Variants in SBF2 observed in about 807,000 individuals in gnomAD.
SBF2 encodes the protein SET binding factor 2.
In SBF2, 112 loss-of-function variants were observed where a neutral mutation model predicts 225.2. That is an observed-to-expected ratio of 0.50 (90% CI 0.43 to 0.58). The LOEUF is 0.58. Among genes scored for constraint, SBF2 ranks in the 20% least tolerant of loss-of-function variants. SBF2 has a pLI of 0.00. For synonymous variants in SBF2, 763 were observed against 773.3 expected, an observed-to-expected ratio of 0.99 and a Z score of 0.22; for missense variants, 1,996 against 2,206.2, an observed-to-expected ratio of 0.90 and a Z score of 1.91.
At chr11:10,258,630 C>T (rs1961119884) in intron 1 of SBF2, among the ~76,000 whole-genome samples, 1 of 152,158 alleles carries the variant, frequency 6.6e-6, no homozygotes, top group Admixed American at 6.5e-5. Context: ...TACTGCTCAT[C>T]CATACACCAC....
At chr11:10,103,278 C>T (rs1024343430) in intron 2 of SBF2, among the ~76,000 whole-genome samples, 5 of 151,982 alleles carry the variant, frequency 3.3e-5, no homozygotes, top group East Asian at 1.9e-4. Context: ...TTTTTCTGAC[C>T]TAATTAATCT....
intron 1 of SBF2, among the ~76,000 whole-genome samples, chr11:10,285,360 A>G (rs1022379081): frequency 1.3e-5 from 2 of 151,900 alleles, no homozygotes; most frequent in African/African-American, 4.8e-5. Flanking sequence ...AGAGGGGAGG[A>G]AAAAGGGAGG....
In SBF2 at chr11:9,849,163, T is replaced by G. The variant is rs543191814; in HGVS notation, c.2806+860A>C. Reference sequence around the variant, plus strand: ...AGATTCTAATACAATTGTTTGAGGGTTGGGCCCAGAAACTGGTATTTTTTT... The same window carrying G: ...AGATTCTAATACAATTGTTTGAGGGGTGGGCCCAGAAACTGGTATTTTTTT... On this transcript the variant is annotated intron_variant, in intron 22 of 39. Coordinates refer to ENST00000256190, the MANE Select transcript of SBF2 (RefSeq NM_030962.4). Among the ~76,000 whole-genome samples, 5 of 152,226 alleles carry G rather than the reference T, an allele frequency of 3.3e-5. No individual in the cohort carries two copies. The East Asian group carries it at 9.6e-4, about 29-fold the overall frequency.
At chr11:9,789,461 AT>A in intron 34 of SBF2, 119 bp from the exon 35 acceptor site, 2 of 682,052 alleles carry the variant, frequency 2.9e-6, no homozygotes, top group Non-Finnish European at 5.2e-6. Flanking sequence ...TGGAGTTCAA[AT>A]ACCATATTTC....
At chr11:10,101,819 G>T (rs755321763) in intron 2 of SBF2, among the ~76,000 whole-genome samples, 6 of 152,184 alleles carry the variant, frequency 3.9e-5, no homozygotes, top group Non-Finnish European at 5.9e-5. Flanking sequence ...TTTCAGTGTC[G>T]TTCTGTAATG....
intron 28 of SBF2, among the ~76,000 whole-genome samples, chr11:9,829,101 C>G (rs1031845365): frequency 6.6e-6 from 1 of 151,946 alleles, no homozygotes; most frequent in South Asian, 2.1e-4. Flanking sequence ...ACAGTGAGAC[C>G]CCATCTCTTA....
At chr11:9,887,149 C>T (rs181605549) in intron 17 of SBF2, among the ~76,000 whole-genome samples, 55 of 151,486 alleles carry the variant, frequency 3.6e-4, no homozygotes, top group African/African-American at 1.3e-3. Context: ...AATTGTCCAT[C>T]ACATGAAAAA....
At chr11:9,904,085 C>T (rs1861942022) in intron 16 of SBF2, among the ~76,000 whole-genome samples, 1 of 152,040 alleles carries the variant, frequency 6.6e-6, no homozygotes, top group Non-Finnish European at 1.5e-5. Context: ...CCCGCTCATG[C>T]CTGTCTAACT....
chr11:9,875,851 A>G (rs1047643307), intron 17 of SBF2, among the ~76,000 whole-genome samples: 1 of 152,238 alleles, frequency 6.6e-6, no homozygotes, highest in African/African-American at 2.4e-5. Flanking sequence ...GGTGTGAGAC[A>G]CAAATGTGAA....
intron 1 of SBF2, among the ~76,000 whole-genome samples, chr11:10,226,559 T>C (rs955318062): frequency 6.8e-6 from 1 of 147,368 alleles, no homozygotes; most frequent in Non-Finnish European, 1.5e-5. Flanking sequence ...AATTCCCACC[T>C]ATGAGTGAGA....
At chr11:9,856,930 G>A (rs770649397) in intron 18 of SBF2, among the ~76,000 whole-genome samples, 148 of 151,900 alleles carry the variant, frequency 9.7e-4, no homozygotes, top group Non-Finnish European at 1.9e-3. Flanking sequence ...TGGGACTACA[G>A]TCACCTGCCA....
intron 6 of SBF2, among the ~76,000 whole-genome samples, chr11:10,028,122 C>G (rs997738054): frequency 7.2e-5 from 11 of 151,986 alleles, no homozygotes; most frequent in Non-Finnish European, 1.5e-4. Context: ...CTATGTTGTC[C>G]AGGTTGATCT....
At chr11:10,009,198 T>C (rs1217674260) in intron 6 of SBF2, among the ~76,000 whole-genome samples, 2 of 152,216 alleles carry the variant, frequency 1.3e-5, no homozygotes, top group East Asian at 3.8e-4. Context: ...TATGTTCCTA[T>C]TGTCATATAT....
At position 10,271,796 on chromosome 11, in the gene SBF2, T is replaced by G; in HGVS notation, c.55+22219A>C. Among the ~76,000 whole-genome samples the G allele has an allele frequency of 1.8e-5, 2 of 111,434 alleles. 1 individual carries two copies. The highest frequency in any genetic ancestry group is 4.3e-5 in the Non-Finnish European group (2 of 46,692). 73.1% of individuals were successfully genotyped at this position (111,434 alleles called of 152,430 possible). On this transcript the variant is annotated intron_variant, in intron 1 of 39. Transcript: ENST00000256190. Reference sequence around the variant, plus strand: ...CATTTTGGTATGTTTGGTGGTAAGGTTTTTGTTTATCTTATGTATAAAAGT... The same window carrying G: ...CATTTTGGTATGTTTGGTGGTAAGGGTTTTGTTTATCTTATGTATAAAAGT...
At chr11:9,815,574 C>A (rs563696805) in intron 29 of SBF2, among the ~76,000 whole-genome samples, 2 of 152,166 alleles carry the variant, frequency 1.3e-5, no homozygotes, top group South Asian at 4.1e-4. Context: ...TACTCAAATA[C>A]GTATGATCAC....
intron 16 of SBF2, among the ~76,000 whole-genome samples, chr11:9,946,774 T>C (rs1438196085): frequency 1.3e-5 from 2 of 152,126 alleles, no homozygotes; most frequent in Non-Finnish European, 2.9e-5. Flanking sequence ...CAAACACTTA[T>C]ATATGTATAA....
At chr11:10,177,533 T>A (rs1486375616) in intron 2 of SBF2, among the ~76,000 whole-genome samples, 1 of 149,464 alleles carries the variant, frequency 6.7e-6, no homozygotes, top group Non-Finnish European at 1.5e-5. Context: ...TCACAAGCAT[T>A]CTTATACACC....
At chr11:10,147,429 G>A (rs1157154593) in intron 2 of SBF2, among the ~76,000 whole-genome samples, 1 of 152,170 alleles carries the variant, frequency 6.6e-6, no homozygotes, top group Non-Finnish European at 1.5e-5. Context: ...GAACATGAAT[G>A]GAGCTGGAGG....
At chr11:10,099,678 T>C (rs1952192486) in intron 2 of SBF2, among the ~76,000 whole-genome samples, 1 of 152,172 alleles carries the variant, frequency 6.6e-6, no homozygotes, top group Admixed American at 6.5e-5. Context: ...TAAAAAGTTG[T>C]ACATTGTGAC....
Sources: allele counts gnomAD v4.1 joint callset (sites outside exome capture counted in the v4.1 genomes callset), GRCh38; gene constraint gnomAD v4.1.1; transcripts MANE v1.5; gene names NCBI Gene and HGNC (gene_info 2026-07-23, HGNC 2026-07-21).